DDTL: variants seen among roughly 807,000 people sequenced by gnomAD.
DDTL encodes putative D-dopachrome decarboxylase-like protein.
A neutral mutation model predicts 1.1 loss-of-function variants in DDTL; 1 was observed. That is an observed-to-expected ratio of 0.91 (90% confidence interval 0.32 to 4.31). The LOEUF (loss-of-function observed/expected upper bound fraction) is 4.31. DDTL is among the 30% of genes most tolerant of loss of function. The pLI is 0.17. For missense variants in DDTL, 54 were observed against 48.9 expected, an observed-to-expected ratio of 1.10 and a Z score of -0.31; for synonymous variants, 21 against 16.6, an observed-to-expected ratio of 1.26 and a Z score of -0.64.
chr22:23,969,941 A>C, intron 2 of DDTL: 1 of 802,848 alleles, frequency 1.2e-6, no homozygotes. Context: ...CCTCGGCTGA[A>C]CTAACTGTGG....
In DDTL at chr22:23,971,960, C is replaced by T. The variant is rs2033913982; in HGVS notation, c.*554C>T. On this transcript the variant is annotated 3_prime_UTR_variant, in exon 3 of 3. Transcript: ENST00000215770. ...TTGCAGGCTCCCTAAGGGCACAGTA[C>T]CTCAGCCACCTGTTTTCTCAAAGGC... 2 of 223,348 alleles carry T rather than the reference C, an allele frequency of 9.0e-6. No individual in the cohort carries two copies. Among genetic ancestry groups the T allele is most frequent in the Non-Finnish European group, 1.7e-5 (2 of 119,074 alleles). 13.8% of individuals were successfully genotyped at this position (223,348 alleles called of 1,614,324 possible). A position where few individuals can be genotyped will look rare whatever the true frequency, so the allele number is the denominator to read the frequency against.
chr22:23,971,400 C>A lies in DDTL; in HGVS notation c.399C>A (p.Phe133Leu), dbSNP rs771427095. 3 of 1,613,354 alleles carry A rather than the reference C, an allele frequency of 1.9e-6. No homozygotes were observed. The East Asian group carries it at 6.7e-5, about 36-fold the overall frequency. ...CLNEEALFIY[F>L]I The stretch of plus-strand genomic sequence containing the variant: ...ATGAGGAAGCTCTCTTCATTTATTT[C>A]ATATGAGGATGAAGAAGAGGATTAT... The change falls in exon 3 of 3, where the codon TTC (phenylalanine) becomes TTA (leucine). Residue 133 changes from phenylalanine (F) to leucine (L), a missense_variant. Transcript: ENST00000215770.
Position 23,971,757 on chromosome 22 carries a change from T to A in DDTL, c.*351T>A. 1.3e-6 allele frequency: 1 copy of A among 747,564 alleles called. No individual in the cohort carries two copies. The highest frequency in any genetic ancestry group is 2.2e-6 in the Non-Finnish European group (1 of 461,320). 46.3% of individuals were successfully genotyped at this position (747,564 alleles called of 1,614,324 possible). On this transcript the variant is annotated 3_prime_UTR_variant, in exon 3 of 3. Transcript: ENST00000215770. ...TCCACCAGGCATTTTGCAAACCTGC[T>A]CATCCCAATAATGATTTTCCCCAAC...
intron 2 of DDTL, chr22:23,969,709 C>A: frequency 1.0e-6 from 1 of 977,808 alleles, no homozygotes; most frequent in Non-Finnish European, 1.2e-6. Context: ...ATCCAAACTA[C>A]ATGGGAGGCT....
rs757957648 is a variant in DDTL, at chr22:23,971,528, G to T, written c.*122G>T. 1.9e-6 allele frequency: 3 copies of T among 1,613,194 alleles called. No individual in the cohort carries two copies. Among genetic ancestry groups the T allele is most frequent in the Non-Finnish European group, 2.5e-6 (3 of 1,179,514 alleles). ...TGGAAGAAGCAGCCAGTTCACAGAT[G>T]CCCTGGATCCCTCCGTGCCCAATCA... On this transcript the variant is annotated 3_prime_UTR_variant, in exon 3 of 3. Coordinates refer to ENST00000215770, the MANE Select transcript of DDTL (RefSeq NM_001084393.2).
rs965330106 is a variant in DDTL, at chr22:23,972,002, C to T, written c.*596C>T. ...CTCAAAGGCTGAGCACAGGGTGACC[C>T]CCCACCCCACCAACCCCGCCACTAA... On this transcript the variant is annotated 3_prime_UTR_variant, in exon 3 of 3. Transcript: ENST00000215770. The T allele has an allele frequency of 2.6e-5, 7 of 264,426 alleles. No individual in the cohort carries two copies. Among genetic ancestry groups the T allele is most frequent in the Non-Finnish European group, 3.6e-5 (6 of 166,122 alleles). The allele number at this position is 264,426 out of a possible 1,614,324, so 16.4% of individuals were successfully genotyped here.
chr22:23,970,362 T>C (rs2033878503), intron 2 of DDTL, among the ~76,000 whole-genome samples: 1 of 152,046 alleles, frequency 6.6e-6, no homozygotes, highest in African/African-American at 2.4e-5. Flanking sequence ...TAGTGAATTG[T>C]GTGTAAATGT....
At chr22:23,970,699 ATGTG>A (rs547832104) in intron 2 of DDTL, among the ~76,000 whole-genome samples, 34 of 151,974 alleles carry the variant, frequency 2.2e-4, no homozygotes, top group South Asian at 8.3e-4. Context: ...ATGCGGGTGG[ATGTG>A]TGTATGTGCA....
intron 2 of DDTL, among the ~76,000 whole-genome samples, chr22:23,970,280 TTG>T (rs965465864): frequency 1.3e-4 from 20 of 152,016 alleles, no homozygotes; most frequent in South Asian, 2.1e-4. Flanking sequence ...TGTGAGTGAA[TTG>T]TGTGTTTATG....
chr22:23,969,691 A>C, intron 2 of DDTL: 1 of 916,834 alleles, frequency 1.1e-6, no homozygotes. Flanking sequence ...TGGTGGCATG[A>C]GCCTGTGATC....
intron 2 of DDTL, among the ~76,000 whole-genome samples, chr22:23,970,854 G>C (rs1440283007): frequency 1.3e-5 from 2 of 152,128 alleles, no homozygotes; most frequent in Non-Finnish European, 2.9e-5. Context: ...ATGAAAAGTG[G>C]TGCTACTGCC....
intron 2 of DDTL, among the ~76,000 whole-genome samples, chr22:23,970,474 G>C (rs960173083): frequency 2.6e-5 from 4 of 152,020 alleles, no homozygotes; most frequent in African/African-American, 7.3e-5. Flanking sequence ...GTGTGTGAGT[G>C]AACTGTGTGA....
At position 23,972,129 on chromosome 22, in the gene DDTL, T is replaced by C. The variant is rs1027883511; in HGVS notation, c.*723T>C. The C allele has an allele frequency of 4.1e-4, 405 of 982,002 alleles. No individual in the cohort carries two copies. The highest frequency in any genetic ancestry group is 4.7e-4 in the Non-Finnish European group (387 of 827,090). 60.8% of individuals were successfully genotyped at this position (982,002 alleles called of 1,614,324 possible). On this transcript the variant is annotated 3_prime_UTR_variant, in exon 3 of 3. Coordinates refer to ENST00000215770, the MANE Select transcript of DDTL (RefSeq NM_001084393.2). ...AGCCTGGTTGGGGCGGGCGGGAGTA[T>C]GAACAGCCTGTCTTCTCATCATAAA...
chr22:23,970,364 T>G (rs1302009573), intron 2 of DDTL, among the ~76,000 whole-genome samples: 7 of 152,116 alleles, frequency 4.6e-5, no homozygotes, highest in African/African-American at 7.2e-5. Context: ...GTGAATTGTG[T>G]GTAAATGTGA....
In DDTL at chr22:23,971,902, AGTTT is replaced by A; in HGVS notation, c.*499_*502del. 1 of 390,116 alleles carries A rather than the reference AGTTT, an allele frequency of 2.6e-6. No individual in the cohort carries two copies. The highest frequency in any genetic ancestry group is 4.6e-6 in the Non-Finnish European group (1 of 218,364). The allele number at this position is 390,116 out of a possible 1,614,324, so 24.2% of individuals were successfully genotyped here. On this transcript the variant is annotated 3_prime_UTR_variant, in exon 3 of 3. Transcript: ENST00000215770. ...TGCCGTACACTCTATCATCTCCATC[AGTTT>A]GTGTACTGAGGGGTACCCTGCCTCC...
intron 2 of DDTL, chr22:23,969,789 C>T (rs978630876): frequency 5.1e-6 from 5 of 985,922 alleles, no homozygotes; most frequent in South Asian, 9.4e-5. Context: ...ACTGCACTCA[C>T]TCCATGCTGG....
In DDTL at chr22:23,971,466, G is replaced by A. The variant is rs80112578; in HGVS notation, c.*60G>A. 1,395 of 1,606,952 alleles carry A rather than the reference G, an allele frequency of 8.7e-4. 8 individuals carry two copies. In the African/African-American group the frequency reaches 0.016, roughly 18 times the overall value. On this transcript the variant is annotated 3_prime_UTR_variant, in exon 3 of 3. Coordinates refer to ENST00000215770, the MANE Select transcript of DDTL (RefSeq NM_001084393.2). ...TTGCATGCGGGATAATCCAAAGCTGGTTATCTCCAGGCCCTCACTCTGCCA... is the reference window on the plus strand; with the variant it reads ...TTGCATGCGGGATAATCCAAAGCTGATTATCTCCAGGCCCTCACTCTGCCA...
chr22:23,969,553 C>T lies in DDTL; in HGVS notation c.285-1733C>T, dbSNP rs145089919. ...GCCCTGCTGGGGGTTGGGGAATGCT[C>T]ATTACCGGGATGAGCACTTTTGCAA... On this transcript the variant is annotated intron_variant, in intron 2 of 2. Transcript: ENST00000215770. The T allele has an allele frequency of 1.8e-4, 175 of 980,420 alleles. No individual in the cohort carries two copies. The African/African-American group carries it at 2.8e-3, about 16-fold the overall frequency. The allele number at this position is 980,420 out of a possible 1,614,324, so 60.7% of individuals were successfully genotyped here.
chr22:23,970,705 G>T (rs576702668), intron 2 of DDTL, among the ~76,000 whole-genome samples: 15 of 152,296 alleles, frequency 9.8e-5, no homozygotes, highest in South Asian at 8.3e-4. Flanking sequence ...GTGGATGTGT[G>T]TATGTGCATG....
Sources: gnomAD v4.1 joint callset for allele counts (sites outside exome capture counted in the v4.1 genomes callset) on GRCh38, gnomAD v4.1.1 for gene constraint, MANE v1.5 for transcripts, NCBI Gene and HGNC (gene_info 2026-07-23, HGNC 2026-07-21) for gene names.